The following TXNRD2 variants were observed in gnomAD, a reference collection of about 807,000 sequenced individuals.
The protein encoded by TXNRD2 is thioredoxin reductase 2, also known as thioredoxin reductase 2, mitochondrial.
In TXNRD2, 67 loss-of-function variants were observed where a neutral mutation model predicts 70.8. The observed-to-expected ratio is 0.95, with a 90% CI of 0.78 to 1.16. The LOEUF (loss-of-function observed/expected upper bound fraction) is 1.16, where lower values mean the gene tolerates loss of function less well. TXNRD2 is among the 50% of genes most tolerant of loss of function. The probability of loss-of-function intolerance (pLI) is 0.00; values close to 1 mark genes in which losing one functional copy is unlikely to be tolerated. For missense variants in TXNRD2, 644 were observed against 719.9 expected (o/e 0.89, Z 1.21); for synonymous variants, 301 against 295.8 (o/e 1.02, Z -0.18).
At chr22:19,926,171 A>T (rs1483691263) in intron 2 of TXNRD2, among the ~76,000 whole-genome samples, 1 of 150,612 alleles carries the variant, frequency 6.6e-6, no homozygotes, top group Admixed American at 6.6e-5. Flanking sequence ...CTCAAAAAAA[A>T]AAAAAAAGAA....
intron 5 of TXNRD2, among the ~76,000 whole-genome samples, chr22:19,917,909 C>T (rs1195988508): frequency 6.6e-6 from 1 of 152,208 alleles, no homozygotes; most frequent in Non-Finnish European, 1.5e-5. Context: ...GCCAATGTGG[C>T]CTCACTCATT....
Position 19,897,546 on chromosome 22 carries a change from C to T in TXNRD2, c.774+493G>A, listed in dbSNP as rs142364428. ...CACAGATGAAGGCCACTGTACACAG[C>T]GCACCTGTCCAGAAGCCAAGATCCC... On this transcript the variant is annotated intron_variant, in intron 10 of 17. Coordinates refer to ENST00000400521, the MANE Select transcript of TXNRD2 (RefSeq NM_006440.5). Among the ~76,000 whole-genome samples, 242 of 152,306 alleles carry T rather than the reference C, an allele frequency of 1.6e-3. 1 individual carries two copies. Among genetic ancestry groups the T allele is most frequent in the African/African-American group, 5.4e-3 (224 of 41,554 alleles).
chr22:19,890,910 C>T (rs990446984), intron 11 of TXNRD2, among the ~76,000 whole-genome samples: 1 of 152,136 alleles, frequency 6.6e-6, no homozygotes, highest in Non-Finnish European at 1.5e-5. Context: ...GCAACAGCTC[C>T]CCTCCTGGGC....
intron 11 of TXNRD2, chr22:19,893,921 T>C (rs1182066744): frequency 6.6e-6 from 1 of 152,228 alleles, no homozygotes; most frequent in African/African-American, 2.4e-5. Context: ...CTTTAAAAAC[T>C]CTGTGTCATT....
intron 10 of TXNRD2, 54 bp from the exon 11 acceptor site, chr22:19,895,635 C>A: frequency 6.3e-7 from 1 of 1,595,476 alleles, no homozygotes; most frequent in Admixed American, 1.7e-5. Context: ...GGGAGAGAGG[C>A]TCTGGCCCTG....
At chr22:19,882,803 C>A (rs142777785) in intron 12 of TXNRD2, among the ~76,000 whole-genome samples, 1,653 of 152,362 alleles carry the variant, frequency 0.011, 24 homozygotes, top group Non-Finnish European at 0.017. Flanking sequence ...CCAGGAAAGA[C>A]TGGCACCGGT....
At position 19,895,250 on chromosome 22, in the gene TXNRD2, C is replaced by A. The variant is rs755522993; in HGVS notation, c.949+157G>T. On this transcript the variant is annotated intron_variant, in intron 11 of 17. Transcript: ENST00000400521. ...CCTAGTGTGAGTGCCGCCCCACAGG[C>A]CTTCACGGTTGCTCTCGAGGTGCAC... The A allele has an allele frequency of 1.9e-6, 3 of 1,594,544 alleles. No homozygotes were observed. The East Asian group carries it at 6.7e-5, about 36-fold the overall frequency.
At chr22:19,894,890 A>T in intron 11 of TXNRD2, 1 of 862,152 alleles carries the variant, frequency 1.2e-6, no homozygotes, top group Non-Finnish European at 1.6e-6. Context: ...CAGGAGGCTG[A>T]GGCAGGAGAA....
intron 7 of TXNRD2, chr22:19,914,995 A>G: frequency 1.8e-6 from 1 of 563,836 alleles, no homozygotes; most frequent in Admixed American, 2.5e-5. Flanking sequence ...GCAGAACGAG[A>G]GCTGTCCTGA....
At chr22:19,903,801 G>A (rs1012675451) in intron 8 of TXNRD2, among the ~76,000 whole-genome samples, 4 of 152,196 alleles carry the variant, frequency 2.6e-5, no homozygotes, top group African/African-American at 9.7e-5. Flanking sequence ...CTTGCTCTGT[G>A]GAATGGAAGG....
chr22:19,889,325 T>A (rs1939165679), intron 11 of TXNRD2, among the ~76,000 whole-genome samples: 1 of 152,212 alleles, frequency 6.6e-6, no homozygotes, highest in African/African-American at 2.4e-5. Flanking sequence ...TTAACAGTTA[T>A]TATTAGACCG....
chr22:19,879,639 C>G (rs797009537), intron 14 of TXNRD2, among the ~76,000 whole-genome samples: 66 of 151,726 alleles, frequency 4.3e-4, no homozygotes, highest in African/African-American at 1.5e-3. Flanking sequence ...GGGGTGGAAG[C>G]AGAGGTCGGA....
intron 2 of TXNRD2, among the ~76,000 whole-genome samples, chr22:19,920,497 C>T (rs374635192): frequency 6.6e-6 from 1 of 151,726 alleles, no homozygotes; most frequent in African/African-American, 2.4e-5. Flanking sequence ...GCAAGAGAAT[C>T]GTTTGAGCCC....
intron 7 of TXNRD2, among the ~76,000 whole-genome samples, chr22:19,914,082 A>T (rs962764963): frequency 6.6e-6 from 1 of 152,232 alleles, no homozygotes; most frequent in African/African-American, 2.4e-5. Flanking sequence ...AGCTTTCAAT[A>T]AAAAAATTAC....
intron 8 of TXNRD2, among the ~76,000 whole-genome samples, 193 bp from the exon 9 acceptor site, chr22:19,899,261 A>T (rs1283918204): frequency 6.6e-6 from 1 of 152,244 alleles, no homozygotes; most frequent in African/African-American, 2.4e-5. Context: ...GTTGTGAATC[A>T]GCAAATCGCC....
At chr22:19,909,737 ACACAC>A (rs1940269352) in intron 8 of TXNRD2, among the ~76,000 whole-genome samples, 1 of 141,134 alleles carries the variant, frequency 7.1e-6, no homozygotes, top group Non-Finnish European at 1.5e-5. Context: ...CCACTCACAC[ACACAC>A]CACACACACC....
chr22:19,909,685 A>T (rs899442342), intron 8 of TXNRD2, among the ~76,000 whole-genome samples: 6 of 136,542 alleles, frequency 4.4e-5, no homozygotes, highest in African/African-American at 1.7e-4. Context: ...CACACTACTC[A>T]CACACACTGC....
At position 19,877,064 on chromosome 22, in the gene TXNRD2, G is replaced by C; in HGVS notation, c.*41C>G. On this transcript the variant is annotated 3_prime_UTR_variant, in exon 17 of 18. Coordinates refer to ENST00000400521, the MANE Select transcript of TXNRD2 (RefSeq NM_006440.5). ...CCTGGGTCTGGCCTCCGAGGAGCTG[G>C]CGGCGGGCGCACCGTGTGCCCTGGC... 1.3e-6 allele frequency: 2 copies of C among 1,571,650 alleles called. No individual in the cohort carries two copies. The highest frequency in any genetic ancestry group is 1.7e-6 in the Non-Finnish European group (2 of 1,149,218).
intron 12 of TXNRD2, chr22:19,881,403 G>C (rs771777100): frequency 3.7e-5 from 6 of 160,164 alleles, no homozygotes; most frequent in Non-Finnish European, 5.2e-5. Context: ...ACATCCCGGC[G>C]GGCGGCGCAC....
Sources: gnomAD v4.1 joint callset for allele counts (sites outside exome capture counted in the v4.1 genomes callset) on GRCh38, gnomAD v4.1.1 for gene constraint, MANE v1.5 for transcripts, NCBI Gene and HGNC (gene_info 2026-07-23, HGNC 2026-07-21) for gene names.